The following MRPL30 variants were observed in gnomAD, a reference collection of about 807,000 sequenced individuals.
MRPL30 encodes large ribosomal subunit protein uL30m.
MRPL30 carries 10 observed loss-of-function variants against 17.2 expected under a neutral mutation model. The ratio of observed to expected loss-of-function variants is 0.58; its 90% CI spans 0.36 to 0.99. MRPL30 has a LOEUF of 0.99. Among genes scored for constraint, MRPL30 ranks in the 50% least tolerant of loss-of-function variants. MRPL30 has a pLI of 0.01. For synonymous variants in MRPL30, 61 were observed against 62.1 expected, an observed-to-expected ratio of 0.98 and a Z score of 0.08; for missense variants, 170 against 189.8, an observed-to-expected ratio of 0.90 and a Z score of 0.61.
chr2:99,191,436 AC>A (rs969716584), intron 3 of MRPL30, among the ~76,000 whole-genome samples: 7 of 152,132 alleles, frequency 4.6e-5, no homozygotes, highest in African/African-American at 1.7e-4. Flanking sequence ...TTCCCTCCAA[AC>A]AACCAAATAA....
intron 3 of MRPL30, among the ~76,000 whole-genome samples, chr2:99,192,891 C>A (rs777658346): frequency 5.9e-5 from 9 of 152,154 alleles, no homozygotes; most frequent in Admixed American, 2.0e-4. Flanking sequence ...AAAACCTAGG[C>A]AATACCATTC....
chr2:99,195,217 A>G (rs779504593), intron 5 of MRPL30, 28 bp downstream of exon 5: 1 of 1,559,324 alleles, frequency 6.4e-7, no homozygotes, highest in East Asian at 2.3e-5. Context: ...AGCTCTTTTT[A>G]AAATGTATTG....
intron 1 of MRPL30, among the ~76,000 whole-genome samples, chr2:99,182,271 C>T (rs775862379): frequency 1.3e-5 from 2 of 152,154 alleles, no homozygotes; most frequent in Non-Finnish European, 1.5e-5. Context: ...AAAACGTATT[C>T]CTTGCCGGGC....
At chr2:99,185,984 T>C (rs1446978904) in intron 1 of MRPL30, among the ~76,000 whole-genome samples, 193 bp from the exon 2 acceptor site, 3 of 152,244 alleles carry the variant, frequency 2.0e-5, no homozygotes, top group Admixed American at 1.3e-4. Flanking sequence ...GTGGCTAATG[T>C]GTATAATTAC....
intron 2 of MRPL30, 89 bp downstream of exon 2, chr2:99,186,343 A>AT (rs1344508555): frequency 6.3e-6 from 8 of 1,278,960 alleles, no homozygotes; most frequent in East Asian, 2.4e-5. Flanking sequence ...TCTTTTTTTT[A>AT]TTTTTTTGAG....
At chr2:99,186,109 A>G in intron 1 of MRPL30, 68 bp from the exon 2 acceptor site, 3 of 1,051,406 alleles carry the variant, frequency 2.9e-6, no homozygotes, top group South Asian at 1.4e-5. Flanking sequence ...TTTTAATACT[A>G]GAGAAGGGGA....
Position 99,187,669 on chromosome 2 carries a change from C to CA in MRPL30, c.52-499dup, listed in dbSNP as rs1279286791. 8.6e-5 allele frequency among the ~76,000 whole-genome samples: 13 copies of CA among 150,988 alleles called. 1 individual carries two copies. Among genetic ancestry groups the CA allele is most frequent in the Middle Eastern group, 3.4e-3 (1 of 292 alleles). On this transcript the variant is annotated intron_variant, in intron 2 of 5. Transcript: ENST00000338148. Reference sequence around the variant, plus strand: ...TGAAACCCTATCTCTACTAAAAATACAAAAAAAAATTAGCTGGACGTGGTG... The same window carrying CA: ...TGAAACCCTATCTCTACTAAAAATACAAAAAAAAAATTAGCTGGACGTGGTG...
At chr2:99,181,290 C>T in intron 1 of MRPL30, 41 bp downstream of exon 1, 1 of 321,930 alleles carries the variant, frequency 3.1e-6, no homozygotes, top group Admixed American at 5.0e-5. Flanking sequence ...GCATTCTTCG[C>T]AAGGTGTATC....
rs1478749373 is a variant in MRPL30 at position 99,199,046 on chromosome 2, T to A, written c.*3341T>A. Among the ~76,000 whole-genome samples, 3 of 152,108 alleles carry A rather than the reference T, an allele frequency of 2.0e-5. No individual in the cohort carries two copies. The East Asian group carries it at 5.8e-4, about 29-fold the overall frequency. ...ACTACACAGGCCATTTTAGGGAGAT[T>A]TTGACATGAACAAGATTGCTTCTTT... On this transcript the variant is annotated 3_prime_UTR_variant, in exon 6 of 6. Transcript: ENST00000338148.
chr2:99,189,445 T>G (rs2105245202), intron 3 of MRPL30, among the ~76,000 whole-genome samples: 1 of 152,328 alleles, frequency 6.6e-6, no homozygotes, highest in African/African-American at 2.4e-5. Context: ...ACCTGTAAGG[T>G]TCCTCCATGT....
intron 2 of MRPL30, among the ~76,000 whole-genome samples, chr2:99,187,960 G>A (rs897108093): frequency 6.6e-6 from 1 of 152,184 alleles, no homozygotes; most frequent in African/African-American, 2.4e-5. Flanking sequence ...TACAGAAAAC[G>A]GTTACCAATC....
At chr2:99,192,587 A>G (rs2093948538) in intron 3 of MRPL30, among the ~76,000 whole-genome samples, 1 of 152,226 alleles carries the variant, frequency 6.6e-6, no homozygotes, top group South Asian at 2.1e-4. Context: ...ATGGCTGCAT[A>G]GTATTCCATG....
intron 1 of MRPL30, 62 bp from the exon 2 acceptor site, chr2:99,186,115 G>T (rs1320188520): frequency 8.7e-7 from 1 of 1,146,680 alleles, no homozygotes; most frequent in East Asian, 2.4e-5. Context: ...TACTAGAGAA[G>T]GGGAAACCTG....
In MRPL30 at chr2:99,184,441, TA is replaced by T. The variant is rs1282692510; in HGVS notation, c.-27-1733del. On this transcript the variant is annotated intron_variant, in intron 1 of 5. Transcript: ENST00000338148. The stretch of plus-strand genomic sequence containing the variant: ...ATATCCCTCAATAGCTATATTAAGC[TA>T]AACATGAGTTCCATTTCCAATCTAG... Among the ~76,000 whole-genome samples, 3 of 152,298 alleles carry T rather than the reference TA, an allele frequency of 2.0e-5. No homozygotes were observed. In the South Asian group the frequency reaches 6.2e-4, roughly 32 times the overall value.
chr2:99,190,460 T>C (rs2093942982), intron 3 of MRPL30, among the ~76,000 whole-genome samples: 1 of 151,836 alleles, frequency 6.6e-6, no homozygotes, highest in African/African-American at 2.4e-5. Context: ...CTCAGGAGGC[T>C]GAGATGAGAG....
rs2093954414 is a variant in MRPL30, at chr2:99,195,850, G to T, written c.*145G>T. 3.4e-6 allele frequency: 4 copies of T among 1,191,106 alleles called. No homozygotes were observed. The allele number at this position is 1,191,106 out of a possible 1,614,324, so 73.8% of individuals were successfully genotyped here. ...TAATCCCAGCACTTTGGGAGGCCAA[G>T]GCGGGCAGATCACCTGAGGTCAAGA... On this transcript the variant is annotated 3_prime_UTR_variant, in exon 6 of 6. Transcript: ENST00000338148.
At position 99,198,534 on chromosome 2, in the gene MRPL30, G is replaced by T. The variant is rs1021016183; in HGVS notation, c.*2829G>T. 2.0e-5 allele frequency among the ~76,000 whole-genome samples: 3 copies of T among 152,140 alleles called. No individual in the cohort carries two copies. Among genetic ancestry groups the T allele is most frequent in the African/African-American group, 7.2e-5 (3 of 41,428 alleles). ...GCATTCCATTCATTAAGAACAAGTT[G>T]CAGTTCCTACCTACACTCAAGGAAG... On this transcript the variant is annotated 3_prime_UTR_variant, in exon 6 of 6. Transcript: ENST00000338148.
At chr2:99,186,114 A>G in intron 1 of MRPL30, 63 bp from the exon 2 acceptor site, 1 of 1,106,746 alleles carries the variant, frequency 9.0e-7, no homozygotes, top group Non-Finnish European at 1.3e-6. Flanking sequence ...ATACTAGAGA[A>G]GGGGAAACCT....
intron 1 of MRPL30, chr2:99,185,902 GAAGAAGACACTTTA>G (rs2105242612): frequency 2.2e-6 from 1 of 447,222 alleles, no homozygotes; most frequent in Admixed American, 3.3e-5. Context: ...CTTCATTGTT[GAAGAAGACACTTTA>G]AATGATAGTA....
Sources: gnomAD v4.1 joint callset for allele counts (sites outside exome capture counted in the v4.1 genomes callset) on GRCh38, gnomAD v4.1.1 for gene constraint, MANE v1.5 for transcripts, NCBI Gene and HGNC (gene_info 2026-07-23, HGNC 2026-07-21) for gene names.